The following GRIK2 variants were observed in gnomAD, a reference collection of about 807,000 sequenced individuals.
The protein encoded by GRIK2 is glutamate ionotropic receptor kainate type subunit 2, also known as glutamate receptor ionotropic, kainate 2.
GRIK2 carries 32 observed loss-of-function variants against 100.3 expected under a neutral mutation model. The observed-to-expected ratio is 0.32, with a 90% CI of 0.24 to 0.43. GRIK2 has a LOEUF of 0.43. GRIK2 is among the 20% of genes least tolerant of loss of function. The pLI, the probability that GRIK2 is intolerant of heterozygous loss-of-function variation, is 1.00. For synonymous variants in GRIK2, 417 were observed against 389.4 expected (o/e 1.07, Z -0.83); for missense variants, 843 against 1,114.9 (o/e 0.76, Z 3.47).
chr6:101,519,966 A>T (rs1774797625), intron 2 of GRIK2, among the ~76,000 whole-genome samples: 1 of 152,136 alleles, frequency 6.6e-6, no homozygotes, highest in Non-Finnish European at 1.5e-5. Context: ...TTTGTGAAGC[A>T]AGCTAATCTA....
chr6:101,647,091 G>A (rs1014688892), intron 4 of GRIK2, among the ~76,000 whole-genome samples: 3 of 151,922 alleles, frequency 2.0e-5, no homozygotes. Context: ...AAGATGTTAT[G>A]AAACTTTTCT....
intron 12 of GRIK2, among the ~76,000 whole-genome samples, chr6:101,910,599 C>T (rs1788608148): frequency 6.6e-6 from 1 of 151,198 alleles, no homozygotes; most frequent in African/African-American, 2.4e-5. Flanking sequence ...TAGACCTAAT[C>T]ATATTGTATA....
intron 4 of GRIK2, among the ~76,000 whole-genome samples, chr6:101,668,800 G>A (rs1582926934): frequency 6.6e-6 from 1 of 152,132 alleles, no homozygotes. Flanking sequence ...GGGTAGTCGA[G>A]GCCTGCCGTA....
At chr6:101,816,311 G>A (rs1172472295) in intron 9 of GRIK2, among the ~76,000 whole-genome samples, 2 of 152,082 alleles carry the variant, frequency 1.3e-5, no homozygotes, top group African/African-American at 4.8e-5. Context: ...GTATAGAAAA[G>A]TGACAGTCAT....
intron 7 of GRIK2, among the ~76,000 whole-genome samples, chr6:101,766,615 T>C (rs1297209001): frequency 6.6e-6 from 1 of 152,204 alleles, no homozygotes; most frequent in Non-Finnish European, 1.5e-5. Context: ...TACTACAGCA[T>C]GTCTTTATGG....
At chr6:101,982,835 G>GC (rs1157293204) in intron 14 of GRIK2, among the ~76,000 whole-genome samples, 2 of 151,698 alleles carry the variant, frequency 1.3e-5, no homozygotes, top group Non-Finnish European at 2.9e-5. Context: ...GCATCTCATT[G>GC]CAGCATGTAA....
intron 2 of GRIK2, among the ~76,000 whole-genome samples, chr6:101,612,716 A>ATGTGTGTGTG (rs139709674): frequency 9.8e-5 from 14 of 143,430 alleles, no homozygotes; most frequent in South Asian, 4.5e-4. Flanking sequence ...GTATGTGTTA[A>ATGTGTGTGTG]TGTGTGTGTG....
At chr6:101,676,891 A>T (rs895013523) in intron 5 of GRIK2, 87 bp downstream of exon 5, 1 of 746,338 alleles carries the variant, frequency 1.3e-6, no homozygotes, top group African/African-American at 1.8e-5. Context: ...TATTATTGTT[A>T]TGCAATCAGT....
At chr6:101,837,679 ACTT>A (rs1466156181) in intron 10 of GRIK2, among the ~76,000 whole-genome samples, 2 of 152,190 alleles carry the variant, frequency 1.3e-5, no homozygotes, top group East Asian at 1.9e-4. Flanking sequence ...CAATTCAATT[ACTT>A]CTTCAGTTTT....
At position 101,688,137 on chromosome 6, in the gene GRIK2, T is replaced by C. The variant is rs181000195; in HGVS notation, c.951+1784T>C. On this transcript the variant is annotated intron_variant, in intron 7 of 16. Coordinates refer to ENST00000369134, the MANE Select transcript of GRIK2 (RefSeq NM_021956.5). ...AATATTATATAAAAATATTTATATA[T>C]TATAATAGCTTTCTTTACAATTCTT... Among the ~76,000 whole-genome samples, 448 of 148,036 alleles carry C rather than the reference T, an allele frequency of 3.0e-3. 8 individuals are homozygous for C. The highest frequency in any genetic ancestry group is 1.6e-3 in the East Asian group (8 of 5,134).
intron 10 of GRIK2, among the ~76,000 whole-genome samples, chr6:101,835,479 T>C (rs941589748): frequency 1.4e-5 from 2 of 147,552 alleles, no homozygotes; most frequent in African/African-American, 2.5e-5. Flanking sequence ...TTTTTTTTTT[T>C]TTTTTTTTTG....
chr6:101,472,387 C>T (rs956171693), intron 2 of GRIK2, among the ~76,000 whole-genome samples: 1 of 151,640 alleles, frequency 6.6e-6, no homozygotes, highest in Admixed American at 6.6e-5. Context: ...TTCAAAATAT[C>T]CAGAGTTATT....
intron 14 of GRIK2, among the ~76,000 whole-genome samples, chr6:101,960,862 T>A (rs1467489929): frequency 6.6e-6 from 1 of 152,146 alleles, no homozygotes; most frequent in Non-Finnish European, 1.5e-5. Context: ...GGTATATACT[T>A]GATCTTTGTT....
intron 14 of GRIK2, among the ~76,000 whole-genome samples, chr6:101,975,801 A>ATCTGTCTGTCTGTCTG (rs71547439): frequency 9.9e-6 from 1 of 101,046 alleles, no homozygotes; most frequent in Admixed American, 1.0e-4. Flanking sequence ...CTGTCTATCT[A>ATCTGTCTGTCTGTCTG]TCTATCTGTC....
chr6:101,521,840 C>A (rs931003899), intron 2 of GRIK2, among the ~76,000 whole-genome samples: 1 of 151,756 alleles, frequency 6.6e-6, no homozygotes, highest in African/African-American at 2.4e-5. Context: ...AGAAAAAGTT[C>A]AGCTTTATTT....
intron 2 of GRIK2, among the ~76,000 whole-genome samples, chr6:101,491,851 G>T (rs979936611): frequency 6.6e-6 from 1 of 151,364 alleles, no homozygotes; most frequent in Non-Finnish European, 1.5e-5. Context: ...CACTAGCTGG[G>T]GTTCTATCAT....
intron 10 of GRIK2, among the ~76,000 whole-genome samples, chr6:101,850,206 G>A (rs1310120128): frequency 6.6e-6 from 1 of 152,026 alleles, no homozygotes; most frequent in East Asian, 1.9e-4. Flanking sequence ...ATAATTGGTA[G>A]GGATTTCAAA....
chr6:101,526,391 A>G (rs1028252530), intron 2 of GRIK2, among the ~76,000 whole-genome samples: 1 of 152,212 alleles, frequency 6.6e-6, no homozygotes, highest in African/African-American at 2.4e-5. Flanking sequence ...AGAAAACTAT[A>G]TGCATTTGCT....
At chr6:101,412,685 A>C (rs1165389028) in intron 2 of GRIK2, among the ~76,000 whole-genome samples, 1 of 152,036 alleles carries the variant, frequency 6.6e-6, no homozygotes, top group East Asian at 1.9e-4. Context: ...GTAAATATGT[A>C]ATTTCAAGAA....
Sources: gnomAD v4.1 joint callset for allele counts (sites outside exome capture counted in the v4.1 genomes callset) on GRCh38, gnomAD v4.1.1 for gene constraint, MANE v1.5 for transcripts, NCBI Gene and HGNC (gene_info 2026-07-23, HGNC 2026-07-21) for gene names.